The following AFF1 variants were observed in gnomAD, a reference collection of about 807,000 sequenced individuals.
The protein encoded by AFF1 is ALF transcription elongation factor 1.
AFF1 carries 48 observed loss-of-function variants against 121.7 expected under a neutral mutation model. The ratio of observed to expected loss-of-function variants is 0.39; its 90% confidence interval spans 0.31 to 0.50. The LOEUF (loss-of-function observed/expected upper bound fraction) is 0.50. AFF1 is among the 20% of genes least tolerant of loss of function. AFF1 has a pLI of 0.76. For synonymous variants in AFF1, 613 were observed against 563.0 expected, an observed-to-expected ratio of 1.09 and a Z score of -1.26; for missense variants, 1,523 against 1,511.7, an observed-to-expected ratio of 1.01 and a Z score of -0.12.
At chr4:87,091,061 A>ACT (rs1724256081) in intron 6 of AFF1, among the ~76,000 whole-genome samples, 1 of 149,898 alleles carries the variant, frequency 6.7e-6, no homozygotes, top group Admixed American at 6.7e-5. Flanking sequence ...ATCTACAAAA[A>ACT]CTCAAATTTG....
At chr4:87,023,449 A>T (rs1728230933) in intron 2 of AFF1, among the ~76,000 whole-genome samples, 1 of 152,262 alleles carries the variant, frequency 6.6e-6, no homozygotes, top group South Asian at 2.1e-4. Flanking sequence ...AAACTGAAGG[A>T]CAGAACCACT....
chr4:86,992,872 C>T (rs1274349877), intron 2 of AFF1, among the ~76,000 whole-genome samples: 1 of 152,080 alleles, frequency 6.6e-6, no homozygotes, highest in African/African-American at 2.4e-5. Flanking sequence ...GCTTTTTGTT[C>T]TCTAGATTAA....
intron 4 of AFF1, among the ~76,000 whole-genome samples, chr4:87,081,811 A>AT (rs1723208293): frequency 2.0e-5 from 3 of 152,206 alleles, no homozygotes; most frequent in Admixed American, 6.5e-5. Flanking sequence ...AATGGGTTAA[A>AT]TGGTGACTAT....
chr4:87,101,985 C>T (rs1395090287), intron 8 of AFF1, among the ~76,000 whole-genome samples: 7 of 152,252 alleles, frequency 4.6e-5, no homozygotes, highest in Non-Finnish European at 5.9e-5. Context: ...TTTATGTCTT[C>T]ACACAGTAGC....
intron 8 of AFF1, among the ~76,000 whole-genome samples, chr4:87,103,921 C>G (rs1404965822): frequency 6.6e-6 from 1 of 152,184 alleles, no homozygotes; most frequent in Non-Finnish European, 1.5e-5. Context: ...GCTGAATACA[C>G]TTTGCCAGAT....
intron 4 of AFF1, among the ~76,000 whole-genome samples, chr4:87,065,794 A>G (rs973358532): frequency 1.2e-4 from 6 of 50,104 alleles, no homozygotes; most frequent in African/African-American, 2.9e-4. Context: ...AATTTTGCCC[A>G]TTATTTTTCC....
chr4:86,993,229 G>A (rs767426710), intron 2 of AFF1, among the ~76,000 whole-genome samples: 4 of 152,166 alleles, frequency 2.6e-5, no homozygotes, highest in African/African-American at 9.7e-5. Context: ...GCACATTTAC[G>A]ACAGGCTAGG....
chr4:87,087,537 C>G (rs1723859191), intron 5 of AFF1, among the ~76,000 whole-genome samples: 2 of 152,078 alleles, frequency 1.3e-5, no homozygotes, highest in Admixed American at 1.3e-4. Flanking sequence ...TGATTTGTCT[C>G]TGTTCATGTG....
intron 2 of AFF1, among the ~76,000 whole-genome samples, chr4:86,952,567 A>G (rs1578836761): frequency 1.3e-5 from 2 of 152,214 alleles, no homozygotes; most frequent in Admixed American, 1.3e-4. Context: ...TACAACCTGC[A>G]TGTTCTGCAC....
In AFF1 at chr4:87,114,631, G is replaced by A. The variant is rs1474783610; in HGVS notation, c.1798G>A (p.Glu600Lys). The A allele has an allele frequency of 6.2e-7, 1 of 1,611,408 alleles. No homozygotes were observed. Among genetic ancestry groups the A allele is most frequent in the Admixed American group, 1.7e-5 (1 of 59,764 alleles). Residue 600 changes from glutamate (E) to lysine (K), a missense_variant, in exon 12 of 21, where the codon GAG (glutamate) becomes AAG (lysine). Physicochemically the swap from Glu to Lys is moderately conservative, Grantham distance 56. Coordinates refer to ENST00000395146, the MANE Select transcript of AFF1 (RefSeq NM_001166693.3). ...RSCQKSPAQQ[E>K]PPQRQTVGTK... is the part of the protein sequence containing the mutation. ...CTGTCAGAAGTCTCCGGCACAGCAG[G>A]AGCCCCCACAAAGGCAAACCGTTGG... is the stretch of plus-strand genomic sequence containing the variant.
At chr4:87,116,838 G>A (rs1727175682) in intron 12 of AFF1, among the ~76,000 whole-genome samples, 1 of 152,140 alleles carries the variant, frequency 6.6e-6, no homozygotes, top group Non-Finnish European at 1.5e-5. Flanking sequence ...TGGGGTGTGT[G>A]TGTGTGTGTA....
intron 6 of AFF1, among the ~76,000 whole-genome samples, chr4:87,090,738 G>A (rs1724214587): frequency 6.6e-6 from 1 of 152,112 alleles, no homozygotes; most frequent in African/African-American, 2.4e-5. Flanking sequence ...TCTAGGCCAG[G>A]TATGGTGGCT....
At chr4:87,052,976 T>A (rs1287828008) in intron 4 of AFF1, among the ~76,000 whole-genome samples, 6 of 151,798 alleles carry the variant, frequency 4.0e-5, no homozygotes, top group Admixed American at 3.9e-4. Context: ...AGAACTCTAG[T>A]TGGGTCATGT....
chr4:87,056,897 A>T (rs1356455982), intron 4 of AFF1, among the ~76,000 whole-genome samples: 1 of 152,188 alleles, frequency 6.6e-6, no homozygotes, highest in Non-Finnish European at 1.5e-5. Flanking sequence ...CGATGATCCC[A>T]TGTGGTAGGG....
At chr4:87,076,985 A>G (rs933592329) in intron 4 of AFF1, among the ~76,000 whole-genome samples, 2 of 152,214 alleles carry the variant, frequency 1.3e-5, no homozygotes, top group Non-Finnish European at 2.9e-5. Flanking sequence ...TCTCTTAGAA[A>G]TGATGATTAT....
At chr4:87,090,182 T>C in intron 6 of AFF1, 112 bp downstream of exon 6, 2 of 841,120 alleles carry the variant, frequency 2.4e-6, no homozygotes, top group Non-Finnish European at 3.7e-6. Flanking sequence ...GGAAATGAGG[T>C]TAAAATTATG....
intron 16 of AFF1, among the ~76,000 whole-genome samples, chr4:87,127,984 G>A (rs1159593234): frequency 6.6e-6 from 1 of 152,152 alleles, no homozygotes; most frequent in Non-Finnish European, 1.5e-5. Context: ...GATATACAAA[G>A]GACCTAGTCA....
At position 87,140,055 on chromosome 4, in the gene AFF1, C is replaced by A. The variant is rs907251665; in HGVS notation, c.*4354C>A. On this transcript the variant is annotated 3_prime_UTR_variant, in exon 21 of 21. Coordinates refer to ENST00000395146, the MANE Select transcript of AFF1 (RefSeq NM_001166693.3). ...TAGAGAAGTGCCTATACTTCTCTAC[C>A]TAAGAGGGCAGGAGGGAAACCCTAC... is the stretch of plus-strand genomic sequence containing the variant. 1.5e-4 allele frequency: 31 copies of A among 204,096 alleles called. 1 individual carries two copies. Among genetic ancestry groups the A allele is most frequent in the African/African-American group, 6.6e-4 (29 of 43,708 alleles). The allele number at this position is 204,096 out of a possible 1,614,324, so 12.6% of individuals were successfully genotyped here.
rs1290476477 is a variant in AFF1, at chr4:87,127,694, A to G, written c.2955A>G (p.Ala985=). Residue 985 remains alanine (A), a synonymous_variant, in exon 16 of 21, where the codon GCA becomes GCG. Coordinates refer to ENST00000395146, the MANE Select transcript of AFF1 (RefSeq NM_001166693.3). ...MREAKKMKQK[A]ELMTDRVGKA... is the part of the protein sequence containing the mutation. Reference sequence around the variant, plus strand: ...AGGCAAAAAAGATGAAGCAGAAAGCAGAGTTAATGGTTAGTATTGGCCCTT... The same window carrying G: ...AGGCAAAAAAGATGAAGCAGAAAGCGGAGTTAATGGTTAGTATTGGCCCTT... 2 of 1,614,224 alleles carry G rather than the reference A, an allele frequency of 1.2e-6. No individual in the cohort carries two copies. Among genetic ancestry groups the G allele is most frequent in the South Asian group, 2.2e-5 (2 of 91,086 alleles).
Sources: allele counts gnomAD v4.1 joint callset (sites outside exome capture counted in the v4.1 genomes callset), GRCh38; gene constraint gnomAD v4.1.1; transcripts MANE v1.5; gene names NCBI Gene and HGNC (gene_info 2026-07-23, HGNC 2026-07-21).